TEX2: variants seen among roughly 807,000 people sequenced by gnomAD.
TEX2 encodes the protein testis expressed 2.
TEX2 carries 53 observed loss-of-function variants against 106.9 expected under a neutral mutation model. That is an observed-to-expected ratio of 0.50 (90% CI 0.40 to 0.62). The LOEUF (loss-of-function observed/expected upper bound fraction) is 0.62. TEX2 is among the 20% of genes least tolerant of loss of function. The probability of loss-of-function intolerance (pLI) is 0.00; values close to 1 mark genes in which losing one functional copy is unlikely to be tolerated. For missense variants in TEX2, 1,207 were observed against 1,379.0 expected (o/e 0.88, Z 1.98); for synonymous variants, 523 against 534.8 (o/e 0.98, Z 0.30).
chr17:64,208,167 T>C (rs1178072890), intron 2 of TEX2, among the ~76,000 whole-genome samples: 1 of 152,240 alleles, frequency 6.6e-6, no homozygotes, highest in Non-Finnish European at 1.5e-5. Context: ...CTGTTAAAGA[T>C]GGACTGTCTT....
rs1598177142 is a variant in TEX2, at chr17:64,205,718, A to G, written c.1644+6856T>C. On this transcript the variant is annotated intron_variant, in intron 2 of 11. Transcript: ENST00000584379. The surrounding 1 kb of genome is among the most constrained non-coding windows in gnomAD (Gnocchi z 4.0). ...TATATTCAGGGAACCTATTTTTAAA[A>G]CCTATCCCTCTTATTAAATATCTAC... Among the ~76,000 whole-genome samples the G allele has an allele frequency of 6.6e-6, 1 of 152,174 alleles. No homozygotes were observed. Among genetic ancestry groups the G allele is most frequent in the Non-Finnish European group, 1.5e-5 (1 of 68,038 alleles).
At chr17:64,240,427 G>A (rs1384106631) in intron 1 of TEX2, among the ~76,000 whole-genome samples, 1 of 152,152 alleles carries the variant, frequency 6.6e-6, no homozygotes. Flanking sequence ...GAGGGTGGAG[G>A]TGGAGTTACG....
intron 2 of TEX2, among the ~76,000 whole-genome samples, chr17:64,209,743 C>T (rs370051869): frequency 2.0e-5 from 3 of 152,298 alleles, no homozygotes; most frequent in East Asian, 3.9e-4. Context: ...TCTGCATGAG[C>T]ACATATACGC....
chr17:64,252,039 C>T (rs1388156585), intron 1 of TEX2, among the ~76,000 whole-genome samples: 2 of 152,148 alleles, frequency 1.3e-5, no homozygotes, highest in African/African-American at 4.8e-5. Flanking sequence ...AATACTCCAA[C>T]CTTAAGGTCT....
chr17:64,163,658 A>G (rs907141845), intron 7 of TEX2, among the ~76,000 whole-genome samples: 2 of 152,170 alleles, frequency 1.3e-5, no homozygotes, highest in Non-Finnish European at 2.9e-5. Flanking sequence ...GCAAAGACCA[A>G]CCGGTTACGT....
At chr17:64,165,274 T>G (rs1277316051) in intron 7 of TEX2, among the ~76,000 whole-genome samples, 1 of 152,194 alleles carries the variant, frequency 6.6e-6, no homozygotes, top group Non-Finnish European at 1.5e-5. Flanking sequence ...AGCAATTCCT[T>G]GTGTGTGGAT....
At chr17:64,197,900 G>C (rs1181437293) in intron 2 of TEX2, among the ~76,000 whole-genome samples, 1 of 151,872 alleles carries the variant, frequency 6.6e-6, no homozygotes. Context: ...TTCCCTCTAG[G>C]CACTGTATTA....
intron 1 of TEX2, chr17:64,255,737 T>C (rs1416527215): frequency 4.6e-5 from 7 of 152,238 alleles, no homozygotes; most frequent in African/African-American, 1.4e-4. Flanking sequence ...TCTCCTTGTA[T>C]GGTCCTGAGG....
At chr17:64,180,917 C>T (rs1362958447) in intron 5 of TEX2, among the ~76,000 whole-genome samples, 2 of 152,130 alleles carry the variant, frequency 1.3e-5, no homozygotes, top group Non-Finnish European at 1.5e-5. Context: ...TGTGTAGTGC[C>T]CCCACTCCTT....
At chr17:64,233,400 C>T (rs1555634787) in intron 1 of TEX2, among the ~76,000 whole-genome samples, 1 of 152,108 alleles carries the variant, frequency 6.6e-6, no homozygotes, top group Non-Finnish European at 1.5e-5. Context: ...GGTAAAACCC[C>T]ATCTCTACTA....
rs1223052089 is a variant in TEX2 at position 64,185,173 on chromosome 17, C to T, written c.2424+2995G>A. Among the ~76,000 whole-genome samples the T allele has an allele frequency of 6.6e-6, 1 of 152,190 alleles. No individual in the cohort carries two copies. Among genetic ancestry groups the T allele is most frequent in the Non-Finnish European group, 1.5e-5 (1 of 68,036 alleles). ...ACGACGAGTAGTAATAAGGACAGGA[C>T]TCTCCATACCGGGGTGGCATATGTT... On this transcript the variant is annotated intron_variant, in intron 5 of 11. Coordinates refer to ENST00000584379, the MANE Select transcript of TEX2 (RefSeq NM_001288732.2). This position sits in a 1 kb window ranked among gnomAD's most constrained non-coding sequence, Gnocchi z 4.0.
At chr17:64,261,033 G>C (rs2034279253) in intron 1 of TEX2, among the ~76,000 whole-genome samples, 1 of 152,146 alleles carries the variant, frequency 6.6e-6, no homozygotes, top group Non-Finnish European at 1.5e-5. Context: ...GATTCACTTT[G>C]ATACTGAAAG....
At position 64,242,636 on chromosome 17, in the gene TEX2, C is replaced by A. The variant is rs190634891; in HGVS notation, c.-26+20532G>T. 7.6e-4 allele frequency among the ~76,000 whole-genome samples: 116 copies of A among 152,196 alleles called. No individual in the cohort carries two copies. In the Middle Eastern group the frequency reaches 0.01, roughly 13 times the overall value. ...GGGCCTGCCTCTGAACCAGAATCAT[C>A]CTCCTCCCAGCCTGTGAGAAAGTAC... On this transcript the variant is annotated intron_variant, in intron 1 of 11. Transcript: ENST00000584379.
intron 1 of TEX2, among the ~76,000 whole-genome samples, chr17:64,218,459 C>T (rs2033255830): frequency 6.8e-6 from 1 of 146,862 alleles, no homozygotes; most frequent in Non-Finnish European, 1.5e-5. Flanking sequence ...TGCTCTGTCA[C>T]CCAGCCTGGA....
At chr17:64,191,299 A>G (rs1400161571) in intron 4 of TEX2, among the ~76,000 whole-genome samples, 1 of 152,228 alleles carries the variant, frequency 6.6e-6, no homozygotes. Flanking sequence ...CTCGTTAAAA[A>G]TAATCAAATG....
intron 8 of TEX2, 70 bp from the exon 9 acceptor site, chr17:64,155,037 A>ACC: frequency 6.9e-7 from 1 of 1,442,252 alleles, no homozygotes; most frequent in Non-Finnish European, 9.1e-7. Flanking sequence ...GAACACACAC[A>ACC]CCCATGCACA....
intron 1 of TEX2, among the ~76,000 whole-genome samples, chr17:64,233,133 A>G (rs1014935209): frequency 2.6e-5 from 4 of 152,100 alleles, no homozygotes; most frequent in Non-Finnish European, 5.9e-5. Flanking sequence ...TTAATTCCCC[A>G]GTCATCATAA....
intron 1 of TEX2, among the ~76,000 whole-genome samples, chr17:64,259,579 AG>A (rs782324471): frequency 1.3e-5 from 2 of 152,226 alleles, no homozygotes; most frequent in Non-Finnish European, 2.9e-5. Flanking sequence ...AGTCAGCCAA[AG>A]GATAGTGCTC....
intron 2 of TEX2, among the ~76,000 whole-genome samples, chr17:64,203,299 C>T (rs2032727875): frequency 6.6e-6 from 1 of 152,196 alleles, no homozygotes; most frequent in Non-Finnish European, 1.5e-5. Context: ...CATTTCAGTC[C>T]ACCTGTCATT....
Sources: gnomAD v4.1 joint callset for allele counts (sites outside exome capture counted in the v4.1 genomes callset) on GRCh38, gnomAD v4.1.1 for gene constraint, Gnocchi (gnomAD v3.1) non-coding constraint, MANE v1.5 for transcripts, NCBI Gene and HGNC (gene_info 2026-07-23, HGNC 2026-07-21) for gene names.